CABCOCO1: variants seen among roughly 807,000 people sequenced by gnomAD.
The protein encoded by CABCOCO1 is ciliary-associated calcium-binding coiled-coil protein 1.
In CABCOCO1, 28 loss-of-function variants were observed where a neutral mutation model predicts 35.7. That is an observed-to-expected ratio of 0.78 (90% CI 0.58 to 1.07). CABCOCO1 has a LOEUF of 1.07. CABCOCO1 is among the 50% of genes least tolerant of loss of function. The pLI, the probability that CABCOCO1 is intolerant of heterozygous loss-of-function variation, is 0.00. For missense variants in CABCOCO1, 326 were observed against 309.2 expected, an observed-to-expected ratio of 1.05 and a Z score of -0.41; for synonymous variants, 95 against 100.1, an observed-to-expected ratio of 0.95 and a Z score of 0.30.
At chr10:61,711,111 A>G (rs934173504) in intron 5 of CABCOCO1, among the ~76,000 whole-genome samples, 3 of 151,904 alleles carry the variant, frequency 2.0e-5, no homozygotes, top group South Asian at 4.1e-4. Flanking sequence ...TTTAAACCGA[A>G]CTAAATCAGT....
At chr10:61,680,082 G>T (rs201784132) in intron 2 of CABCOCO1, among the ~76,000 whole-genome samples, 2 of 151,630 alleles carry the variant, frequency 1.3e-5, no homozygotes, top group East Asian at 3.9e-4. Flanking sequence ...AGGCCAAGGC[G>T]GGCAGATCAC....
intron 5 of CABCOCO1, among the ~76,000 whole-genome samples, chr10:61,711,598 A>G (rs1398962298): frequency 6.6e-6 from 1 of 152,070 alleles, no homozygotes; most frequent in Admixed American, 6.6e-5. Context: ...AATATAGACA[A>G]TTTGAACAAG....
intron 5 of CABCOCO1, among the ~76,000 whole-genome samples, chr10:61,747,089 A>T (rs1039058861): frequency 1.3e-5 from 2 of 152,172 alleles, no homozygotes; most frequent in African/African-American, 4.8e-5. Flanking sequence ...ATGTCTTATG[A>T]TCTACCAATA....
intron 5 of CABCOCO1, among the ~76,000 whole-genome samples, chr10:61,692,291 T>C (rs1840169981): frequency 6.6e-6 from 1 of 152,224 alleles, no homozygotes; most frequent in Admixed American, 6.5e-5. Flanking sequence ...ATAAATGTCT[T>C]CTTTTGAGAA....
At chr10:61,695,679 A>G (rs185927496) in intron 5 of CABCOCO1, among the ~76,000 whole-genome samples, 61 of 152,244 alleles carry the variant, frequency 4.0e-4, no homozygotes, top group African/African-American at 1.4e-3. Flanking sequence ...CTGACAGTCA[A>G]CTTCTCAACA....
At chr10:61,741,938 G>C (rs1335402145) in intron 5 of CABCOCO1, among the ~76,000 whole-genome samples, 1 of 152,072 alleles carries the variant, frequency 6.6e-6, no homozygotes, top group African/African-American at 2.4e-5. Context: ...TTAGCTTCAG[G>C]CTTCACAAAA....
intron 1 of CABCOCO1, among the ~76,000 whole-genome samples, chr10:61,664,981 T>G (rs1202340310): frequency 1.3e-5 from 2 of 152,232 alleles, no homozygotes; most frequent in Admixed American, 1.3e-4. Flanking sequence ...TCATTTCTAA[T>G]AAATTCTGTA....
intron 2 of CABCOCO1, among the ~76,000 whole-genome samples, chr10:61,673,419 C>T (rs573384370): frequency 6.6e-6 from 1 of 152,228 alleles, no homozygotes; most frequent in African/African-American, 2.4e-5. Flanking sequence ...GCCTAATTGG[C>T]CATCGTGTGT....
chr10:61,732,386 T>C (rs1428673739), intron 5 of CABCOCO1, among the ~76,000 whole-genome samples: 1 of 152,032 alleles, frequency 6.6e-6, no homozygotes, highest in Non-Finnish European at 1.5e-5. Flanking sequence ...AGAATGCAGG[T>C]TCAAAAAGCT....
At position 61,663,317 on chromosome 10, in the gene CABCOCO1, C is replaced by T. The variant is rs546122385; in HGVS notation, c.60+285C>T. On this transcript the variant is annotated intron_variant, in intron 1 of 7. Transcript: ENST00000648843. Reference sequence around the variant, plus strand: ...TTCTTCCATTGGACGGCTCCGTGCCCAAACGCCCTCATAACCACGCGCTTC... The same window carrying T: ...TTCTTCCATTGGACGGCTCCGTGCCTAAACGCCCTCATAACCACGCGCTTC... 2.6e-5 allele frequency among the ~76,000 whole-genome samples: 4 copies of T among 152,054 alleles called. No individual in the cohort carries two copies. In the East Asian group the frequency reaches 7.8e-4, roughly 29 times the overall value.
chr10:61,683,829 AAGCAATT>A (rs1401479172), intron 3 of CABCOCO1, among the ~76,000 whole-genome samples: 1 of 152,170 alleles, frequency 6.6e-6, no homozygotes, highest in South Asian at 2.1e-4. Flanking sequence ...CTAATTTTTA[AAGCAATT>A]ATCTACAGAA....
chr10:61,690,489 A>C, intron 4 of CABCOCO1, 60 bp from the exon 5 acceptor site: 1 of 1,133,358 alleles, frequency 8.8e-7, no homozygotes, highest in Non-Finnish European at 1.3e-6. Context: ...ATGTCTTTAC[A>C]TATTGTGTTT....
chr10:61,745,524 C>T (rs1011594335), intron 5 of CABCOCO1, among the ~76,000 whole-genome samples: 4 of 152,130 alleles, frequency 2.6e-5, no homozygotes, highest in South Asian at 4.1e-4. Context: ...CAACTGTAGC[C>T]GTTTTTATGT....
intron 4 of CABCOCO1, among the ~76,000 whole-genome samples, chr10:61,686,585 C>T (rs1398421197): frequency 6.6e-6 from 1 of 152,032 alleles, no homozygotes; most frequent in Admixed American, 6.6e-5. Flanking sequence ...TTTCCAACTA[C>T]CTAATTCTAC....
At chr10:61,749,677 T>A (rs1259348807) in intron 5 of CABCOCO1, among the ~76,000 whole-genome samples, 1 of 152,190 alleles carries the variant, frequency 6.6e-6, no homozygotes, top group African/African-American at 2.4e-5. Flanking sequence ...AGATAAACAT[T>A]TTTTGGAATC....
intron 5 of CABCOCO1, among the ~76,000 whole-genome samples, chr10:61,744,304 C>T (rs1252168202): frequency 5.9e-5 from 9 of 152,078 alleles, no homozygotes; most frequent in Non-Finnish European, 1.3e-4. Flanking sequence ...AACATTATTA[C>T]AGGAAATGTA....
intron 5 of CABCOCO1, among the ~76,000 whole-genome samples, chr10:61,699,668 G>A (rs765027476): frequency 3.3e-5 from 5 of 151,858 alleles, no homozygotes; most frequent in Non-Finnish European, 7.4e-5. Context: ...AAAAAAGCGA[G>A]AGAAGAAGGA....
chr10:61,756,272 T>C (rs978867467), intron 5 of CABCOCO1, among the ~76,000 whole-genome samples: 1 of 152,054 alleles, frequency 6.6e-6, no homozygotes, highest in Non-Finnish European at 1.5e-5. Context: ...GTGCACGTAA[T>C]GAACAATATA....
At chr10:61,726,110 A>T (rs1841142439) in intron 5 of CABCOCO1, among the ~76,000 whole-genome samples, 1 of 152,218 alleles carries the variant, frequency 6.6e-6, no homozygotes, top group Non-Finnish European at 1.5e-5. Context: ...TTAGGCAGGC[A>T]TACCCCTTGA....
Sources: gnomAD v4.1 joint callset for allele counts (sites outside exome capture counted in the v4.1 genomes callset) on GRCh38, gnomAD v4.1.1 for gene constraint, MANE v1.5 for transcripts, NCBI Gene and HGNC (gene_info 2026-07-23, HGNC 2026-07-21) for gene names.